APOLD1: variants seen among roughly 807,000 people sequenced by gnomAD.
APOLD1 encodes apolipoprotein L domain-containing protein 1.
In APOLD1, 22 loss-of-function variants were observed where a neutral mutation model predicts 15.3. The ratio of observed to expected loss-of-function variants is 1.44; its 90% CI spans 1.03 to 2.05. The LOEUF (loss-of-function observed/expected upper bound fraction) is 2.05, where lower values mean the gene tolerates loss of function less well. APOLD1 is among the 30% of genes most tolerant of loss of function. The pLI is 0.00. For missense variants in APOLD1, 394 were observed against 353.5 expected (o/e 1.11, Z -0.92); for synonymous variants, 190 against 167.4 (o/e 1.13, Z -1.04).
intron 1 of APOLD1, among the ~76,000 whole-genome samples, chr12:12,772,783 G>T (rs2136392967): frequency 6.6e-6 from 1 of 152,286 alleles, no homozygotes; most frequent in East Asian, 1.9e-4. Context: ...ATAATGTAAT[G>T]TCTACTCTCA....
intron 1 of APOLD1, among the ~76,000 whole-genome samples, chr12:12,760,833 T>C (rs1417237390): frequency 2.0e-5 from 3 of 152,206 alleles, no homozygotes; most frequent in Admixed American, 2.0e-4. Flanking sequence ...TGAAAGTTAC[T>C]CTACCTCTCT....
chr12:12,769,980 TA>T (rs1946973755), intron 1 of APOLD1, among the ~76,000 whole-genome samples: 1 of 152,116 alleles, frequency 6.6e-6, no homozygotes, highest in Non-Finnish European at 1.5e-5. Context: ...TTACAAAGTA[TA>T]CTAAAAGGCA....
rs1432222391 is a variant in APOLD1 at position 12,734,042 on chromosome 12, T to C, written c.96+7946T>C. ...TCTTTAATAATTTTTCCTCCATTTT[T>C]CTATCTAACTTCAGATGCCATTAAA... On this transcript the variant is annotated intron_variant, in intron 1 of 1. Coordinates refer to the APOLD1 transcript ENST00000326765. 2.0e-5 allele frequency among the ~76,000 whole-genome samples: 3 copies of C among 152,232 alleles called. No individual in the cohort carries two copies. The South Asian group carries it at 6.2e-4, about 31-fold the overall frequency.
intron 1 of APOLD1, among the ~76,000 whole-genome samples, chr12:12,743,845 C>G (rs1205981595): frequency 6.6e-6 from 1 of 152,056 alleles, no homozygotes; most frequent in Non-Finnish European, 1.5e-5. Context: ...TTGCTGGCTT[C>G]GAGGATGGAG....
rs766430620 is a variant in APOLD1 at position 12,787,668 on chromosome 12, CT to C, written c.*17del. ...GTTTTTCTGAGAACATCCTTTCCCC[CT>C]AATGACCGAGGCCAGCAAATCATCC... On this transcript the variant is annotated 3_prime_UTR_variant, in exon 2 of 2. Coordinates refer to ENST00000356591, the MANE Select transcript of APOLD1 (RefSeq NM_030817.3). This position sits in a 1 kb window ranked among gnomAD's most constrained non-coding sequence, Gnocchi z 4.9. The C allele has an allele frequency of 5.1e-6, 8 of 1,563,900 alleles. No homozygotes were observed. In the East Asian group the frequency reaches 6.8e-5, roughly 13 times the overall value.
At chr12:12,786,608 T>G (rs753994593) in intron 1 of APOLD1, 13 of 973,194 alleles carry the variant, frequency 1.3e-5, no homozygotes, top group Non-Finnish European at 1.6e-5. Flanking sequence ...TTAAATCTTA[T>G]TTAACACATA....
intron 1 of APOLD1, among the ~76,000 whole-genome samples, chr12:12,763,295 T>C (rs971716370): frequency 1.3e-5 from 2 of 152,124 alleles, no homozygotes; most frequent in African/African-American, 4.8e-5. Flanking sequence ...ACTACCCTCT[T>C]AACAATTCCT....
rs1946988715 is a variant in APOLD1, at chr12:12,771,702, C to T, written c.97-15207C>T. The T allele has an allele frequency of 7.5e-6, 3 of 399,722 alleles. No individual in the cohort carries two copies. The Admixed American group carries it at 1.0e-4, about 13-fold the overall frequency. 24.8% of individuals were successfully genotyped at this position (399,722 alleles called of 1,614,324 possible). ...GCTCCTCAAAGAGCCAAGGGTTGGG[C>T]ACTTCCTAACAGATAACAGTTTGTT... On this transcript the variant is annotated intron_variant, in intron 1 of 1. Coordinates refer to the APOLD1 transcript ENST00000326765.
At chr12:12,761,542 C>T (rs1946898292) in intron 1 of APOLD1, among the ~76,000 whole-genome samples, 1 of 152,010 alleles carries the variant, frequency 6.6e-6, no homozygotes, top group South Asian at 2.1e-4. Context: ...GAGGAGTCTT[C>T]CCTACAGAAA....
chr12:12,739,753 C>T (rs1946717619), intron 1 of APOLD1, among the ~76,000 whole-genome samples: 1 of 151,260 alleles, frequency 6.6e-6, no homozygotes, highest in Non-Finnish European at 1.5e-5. Context: ...ATATTATAAG[C>T]TTGGGTACTT....
At chr12:12,774,710 C>T (rs925968633) in intron 1 of APOLD1, among the ~76,000 whole-genome samples, 1 of 151,936 alleles carries the variant, frequency 6.6e-6, no homozygotes, top group African/African-American at 2.4e-5. Context: ...CGTCCCAAAT[C>T]ATATGTCATC....
intron 1 of APOLD1, among the ~76,000 whole-genome samples, chr12:12,730,584 G>A (rs963237717): frequency 7.3e-5 from 11 of 150,608 alleles, no homozygotes; most frequent in African/African-American, 2.2e-4. Context: ...GAGAGGCTGA[G>A]GCAGGAGAAT....
intron 1 of APOLD1, among the ~76,000 whole-genome samples, chr12:12,749,140 C>CTTT (rs1469299920): frequency 6.6e-6 from 1 of 152,010 alleles, no homozygotes; most frequent in Non-Finnish European, 1.5e-5. Flanking sequence ...TTTGGGCACC[C>CTTT]AAAGCACTGA....
At chr12:12,735,758 G>A (rs145521911) in intron 1 of APOLD1, among the ~76,000 whole-genome samples, 102 of 148,836 alleles carry the variant, frequency 6.9e-4, no homozygotes, top group African/African-American at 2.5e-3. Flanking sequence ...CCTGGACAAT[G>A]TGAGGCCTCA....
intron 1 of APOLD1, among the ~76,000 whole-genome samples, chr12:12,748,791 G>C (rs1946785122): frequency 6.6e-6 from 1 of 152,174 alleles, no homozygotes; most frequent in Admixed American, 6.5e-5. Flanking sequence ...CTGCAGTGCA[G>C]GCACCTAAAG....
rs1488318550 is a variant in APOLD1, at chr12:12,771,973, AAAG to A, written c.97-14932_97-14930del. ...CAATCATTTAAAAAGGTTAGAAAAA[AAAG>A]AAGCATAACTGATATGCTAAAAAAT... On this transcript the variant is annotated intron_variant, in intron 1 of 1. Coordinates refer to the APOLD1 transcript ENST00000326765. Among the ~76,000 whole-genome samples the A allele has an allele frequency of 2.4e-4, 37 of 152,306 alleles. 1 individual carries two copies. Among genetic ancestry groups the A allele is most frequent in the East Asian group, 9.6e-4 (5 of 5,190 alleles).
chr12:12,743,171 A>G (rs1400328679), intron 1 of APOLD1, among the ~76,000 whole-genome samples: 1 of 152,226 alleles, frequency 6.6e-6, no homozygotes, highest in Non-Finnish European at 1.5e-5. Context: ...ATAAGAGCCA[A>G]GTGTTGTTTG....
At chr12:12,785,262 CCTTTT>C (rs1268517073), upstream of APOLD1, among the ~76,000 whole-genome samples, 1 of 152,166 alleles carries the variant, frequency 6.6e-6, no homozygotes. Flanking sequence ...CCACCCCCTC[CCTTTT>C]CTTTTAAAAT....
chr12:12,759,797 A>T (rs1946883483), intron 1 of APOLD1, among the ~76,000 whole-genome samples: 1 of 152,190 alleles, frequency 6.6e-6, no homozygotes, highest in Non-Finnish European at 1.5e-5. Context: ...ATTCACTGGG[A>T]CTTCTAGGAA....
Sources: allele counts gnomAD v4.1 joint callset (sites outside exome capture counted in the v4.1 genomes callset), GRCh38; gene constraint gnomAD v4.1.1; non-coding constraint Gnocchi (gnomAD v3.1); transcripts MANE v1.5; gene names NCBI Gene and HGNC (gene_info 2026-07-23, HGNC 2026-07-21).